MSRB3: variants seen among roughly 807,000 people sequenced by gnomAD.
MSRB3 encodes methionine sulfoxide reductase B3, also known as methionine-R-sulfoxide reductase B3.
In MSRB3, 13 loss-of-function variants were observed where a neutral mutation model predicts 21.0. The ratio of observed to expected loss-of-function variants is 0.62; its 90% CI spans 0.40 to 0.98. The LOEUF is 0.98. Ranked by LOEUF, MSRB3 falls within the 50% of genes least tolerant of loss-of-function variation. The pLI is 0.00. For synonymous variants in MSRB3, 87 were observed against 88.6 expected, an observed-to-expected ratio of 0.98 and a Z score of 0.10; for missense variants, 199 against 230.3, an observed-to-expected ratio of 0.86 and a Z score of 0.88.
chr12:65,362,306 T>C lies in MSRB3; in HGVS notation c.264-6692T>C, dbSNP rs193123044. On this transcript the variant is annotated intron_variant, in intron 4 of 6. Transcript: ENST00000308259. ...ATAGAAAAAGGGCCTTCTCCCTAAA[T>C]CATCTCTCTCATTTTCATGCAGAAA... 3.9e-5 allele frequency among the ~76,000 whole-genome samples: 6 copies of C among 152,254 alleles called. No individual in the cohort carries two copies. The East Asian group carries it at 1.2e-3, about 29-fold the overall frequency.
intron 5 of MSRB3, among the ~76,000 whole-genome samples, chr12:65,403,521 G>A (rs1169223390): frequency 6.6e-6 from 1 of 152,202 alleles, no homozygotes; most frequent in East Asian, 1.9e-4. Flanking sequence ...TTTTGAGCCA[G>A]TGGATCTTAA....
At chr12:65,424,807 A>G (rs1249648823) in intron 5 of MSRB3, among the ~76,000 whole-genome samples, 1 of 150,572 alleles carries the variant, frequency 6.6e-6, no homozygotes, top group African/African-American at 2.4e-5. Context: ...AACGTTTTGT[A>G]CATGTCTGTT....
intron 5 of MSRB3, among the ~76,000 whole-genome samples, chr12:65,415,536 G>A (rs897443847): frequency 6.6e-6 from 1 of 152,054 alleles, no homozygotes; most frequent in African/African-American, 2.4e-5. Flanking sequence ...AGGTCCTGAG[G>A]CACAAGATTG....
chr12:65,355,147 T>G (rs1191554643), intron 4 of MSRB3, among the ~76,000 whole-genome samples: 1 of 151,798 alleles, frequency 6.6e-6, no homozygotes, highest in African/African-American at 2.4e-5. Flanking sequence ...GATAGGAAAT[T>G]TTTTAGATGA....
intron 4 of MSRB3, among the ~76,000 whole-genome samples, chr12:65,366,847 G>A (rs1181107405): frequency 1.3e-5 from 2 of 152,164 alleles, no homozygotes; most frequent in African/African-American, 4.8e-5. Flanking sequence ...GAAGTCCTGG[G>A]AGTCTGCAGG....
intron 1 of MSRB3, among the ~76,000 whole-genome samples, chr12:65,290,706 C>T (rs1480450511): frequency 1.3e-5 from 2 of 152,086 alleles, no homozygotes; most frequent in Non-Finnish European, 1.5e-5. Flanking sequence ...TTTGTGTGTT[C>T]GGACTAGTTT....
At chr12:65,454,001 A>G (rs1282945706) in intron 6 of MSRB3, 176 bp downstream of exon 6, 1 of 699,604 alleles carries the variant, frequency 1.4e-6, no homozygotes, top group Non-Finnish European at 2.6e-6. Context: ...GTGGAATGTT[A>G]AGGTCGGCAT....
Position 65,453,830 on chromosome 12 carries a change from G to A in MSRB3, c.390+5G>A. ...GTGGAAACAAGCTGCTCTCAGGTGA[G>A]TTCATCCTTTCTGAAAACCCAATAC... On this transcript the variant is annotated splice_donor_5th_base_variant and intron_variant, in intron 6 of 6. Coordinates refer to ENST00000308259, the MANE Select transcript of MSRB3 (RefSeq NM_001031679.3). 1 of 1,612,302 alleles carries A rather than the reference G, an allele frequency of 6.2e-7. No homozygotes were observed. Among genetic ancestry groups the A allele is most frequent in the Non-Finnish European group, 8.5e-7 (1 of 1,178,414 alleles).
At chr12:65,439,289 G>A (rs1019588806) in intron 5 of MSRB3, among the ~76,000 whole-genome samples, 6 of 151,270 alleles carry the variant, frequency 4.0e-5, no homozygotes, top group Non-Finnish European at 8.9e-5. Flanking sequence ...ATATGAATAA[G>A]AATCTTAGAA....
chr12:65,375,892 C>G (rs1256000942), intron 5 of MSRB3, among the ~76,000 whole-genome samples: 1 of 150,810 alleles, frequency 6.6e-6, no homozygotes, highest in African/African-American at 2.4e-5. Context: ...TTTGGCCTTA[C>G]TACTTTTTAG....
At chr12:65,289,731 T>G (rs1412304338) in intron 1 of MSRB3, among the ~76,000 whole-genome samples, 2 of 152,090 alleles carry the variant, frequency 1.3e-5, no homozygotes, top group East Asian at 3.9e-4. Flanking sequence ...CCAGTGTCGA[T>G]TGTTCCTTTC....
chr12:65,383,905 C>T (rs898228504), intron 5 of MSRB3, among the ~76,000 whole-genome samples: 14 of 152,102 alleles, frequency 9.2e-5, no homozygotes, highest in African/African-American at 2.2e-4. Context: ...GTGATCCACC[C>T]GCCTCGGCCT....
intron 5 of MSRB3, among the ~76,000 whole-genome samples, chr12:65,413,654 A>G (rs946719168): frequency 2.0e-5 from 3 of 152,214 alleles, no homozygotes; most frequent in African/African-American, 7.2e-5. Flanking sequence ...ACGTTAGTAA[A>G]CAAAACAGAC....
At chr12:65,283,230 G>A (rs190925264) in intron 1 of MSRB3, among the ~76,000 whole-genome samples, 95 of 152,152 alleles carry the variant, frequency 6.2e-4, no homozygotes, top group Non-Finnish European at 2.6e-4. Context: ...ATCACAACAG[G>A]TTGAAGTCTT....
chr12:65,446,338 C>A (rs1033263876), intron 5 of MSRB3, among the ~76,000 whole-genome samples: 2 of 152,198 alleles, frequency 1.3e-5, no homozygotes, highest in African/African-American at 4.8e-5. Flanking sequence ...ATACAGCTAA[C>A]CCATAATCCG....
At chr12:65,365,075 A>ATT (rs34234685) in intron 4 of MSRB3, among the ~76,000 whole-genome samples, 94,796 of 149,932 alleles carry the variant, frequency 0.63, 31,980 homozygotes, top group East Asian at 0.89. Context: ...TTCTGACATG[A>ATT]TTTTTTTTTT....
intron 5 of MSRB3, chr12:65,419,603 T>C (rs1881169819): frequency 2.8e-6 from 2 of 721,848 alleles, no homozygotes; most frequent in Non-Finnish European, 5.1e-6. Context: ...TTTGTGAAGA[T>C]ATGAGCCCTC....
At chr12:65,292,213 A>G (rs1872704187) in intron 1 of MSRB3, among the ~76,000 whole-genome samples, 1 of 152,184 alleles carries the variant, frequency 6.6e-6, no homozygotes, top group Admixed American at 6.5e-5. Flanking sequence ...CTGACCACCC[A>G]TTCCTTCTAG....
chr12:65,297,434 C>A (rs1191938773), intron 1 of MSRB3, among the ~76,000 whole-genome samples: 1 of 152,052 alleles, frequency 6.6e-6, no homozygotes, highest in East Asian at 1.9e-4. Flanking sequence ...GGATATGGGT[C>A]ATATGGTGAG....
Sources: gnomAD v4.1 joint callset for allele counts (sites outside exome capture counted in the v4.1 genomes callset) on GRCh38, gnomAD v4.1.1 for gene constraint, MANE v1.5 for transcripts, NCBI Gene and HGNC (gene_info 2026-07-23, HGNC 2026-07-21) for gene names.